The following ADAMTS18 variants were observed in gnomAD, a reference collection of about 807,000 sequenced individuals.
ADAMTS18 encodes A disintegrin and metalloproteinase with thrombospondin motifs 18.
ADAMTS18 carries 157 observed loss-of-function variants against 165.9 expected under a neutral mutation model. That is an observed-to-expected ratio of 0.95 (90% CI 0.83 to 1.08). The LOEUF (loss-of-function observed/expected upper bound fraction) is 1.08. ADAMTS18 is among the 50% of genes least tolerant of loss of function. ADAMTS18 has a pLI of 0.00. For missense variants in ADAMTS18, 2,040 were observed against 1,534.0 expected, an observed-to-expected ratio of 1.33 and a Z score of -5.51; for synonymous variants, 782 against 578.2, an observed-to-expected ratio of 1.35 and a Z score of -5.06.
chr16:77,353,081 AAAC>A (rs1369234768), intron 10 of ADAMTS18, among the ~76,000 whole-genome samples: 8 of 148,478 alleles, frequency 5.4e-5, no homozygotes, highest in African/African-American at 1.1e-4. Context: ...CTCTGTCTCA[AAAC>A]AACAACAACG....
At chr16:77,321,708 A>G (rs1249812297) in intron 14 of ADAMTS18, among the ~76,000 whole-genome samples, 1 of 152,246 alleles carries the variant, frequency 6.6e-6, no homozygotes, top group Non-Finnish European at 1.5e-5. Context: ...TACACATGCA[A>G]TAAAAGTTTA....
chr16:77,332,137 T>G (rs934387359), intron 12 of ADAMTS18, among the ~76,000 whole-genome samples: 4 of 152,182 alleles, frequency 2.6e-5, no homozygotes, highest in Non-Finnish European at 5.9e-5. Context: ...TCTGTGGTCA[T>G]AGATCAGAAG....
At chr16:77,402,723 TG>T in intron 3 of ADAMTS18, among the ~76,000 whole-genome samples, 1 of 152,350 alleles carries the variant, frequency 6.6e-6, no homozygotes, top group Admixed American at 6.5e-5. Context: ...AAGTGAAGGC[TG>T]GATGAGCACT....
intron 9 of ADAMTS18, 152 bp from the exon 10 acceptor site, chr16:77,354,038 A>T (rs1023118012): frequency 9.2e-6 from 9 of 977,178 alleles, no homozygotes; most frequent in East Asian, 4.9e-5. Flanking sequence ...TGTTTATGCC[A>T]AAGAGTGAGT....
intron 3 of ADAMTS18, among the ~76,000 whole-genome samples, chr16:77,381,097 C>T (rs1299921455): frequency 6.6e-6 from 1 of 152,088 alleles, no homozygotes; most frequent in African/African-American, 2.4e-5. Flanking sequence ...TGGTCTCAAA[C>T]TCCTGGGCTC....
intron 13 of ADAMTS18, 23 bp downstream of exon 13, chr16:77,325,843 G>T (rs1275177719): frequency 1.1e-5 from 18 of 1,599,694 alleles, no homozygotes; most frequent in Non-Finnish European, 1.5e-5. Flanking sequence ...AGACTTATTT[G>T]AATGTCATAG....
At chr16:77,384,223 A>C (rs1372799264) in intron 3 of ADAMTS18, among the ~76,000 whole-genome samples, 1 of 152,166 alleles carries the variant, frequency 6.6e-6, no homozygotes, top group Non-Finnish European at 1.5e-5. Context: ...ACATTTAAGA[A>C]ACTCCTCTAC....
intron 3 of ADAMTS18, among the ~76,000 whole-genome samples, chr16:77,402,730 G>A (rs150296350): frequency 1.0e-3 from 153 of 152,276 alleles, no homozygotes; most frequent in Non-Finnish European, 1.8e-3. Context: ...GGCTGGATGA[G>A]CACTGTTGGC....
chr16:77,409,126 C>T (rs984123155), intron 3 of ADAMTS18, among the ~76,000 whole-genome samples: 9 of 152,002 alleles, frequency 5.9e-5, no homozygotes, highest in African/African-American at 1.2e-4. Context: ...AGGCATCCAC[C>T]GGAGGTACTG....
chr16:77,434,439 CGCT>C lies in ADAMTS18; in HGVS notation c.154_156del (p.Ser52del). 6.4e-7 allele frequency: 1 copy of C among 1,573,482 alleles called. No individual in the cohort carries two copies. Among genetic ancestry groups the C allele is most frequent in the Admixed American group, 1.8e-5 (1 of 56,410 alleles). On this transcript the variant is annotated inframe_deletion, in exon 2 of 23. Coordinates refer to ENST00000282849, the MANE Select transcript of ADAMTS18 (RefSeq NM_199355.4). ...GAACCATCATTTAATCCGCTGGCGC[CGCT>C]GCTGCTGTCACTGGCTAAGGCCGCG...
intron 3 of ADAMTS18, among the ~76,000 whole-genome samples, chr16:77,401,229 G>A (rs899655465): frequency 3.3e-5 from 5 of 151,992 alleles, no homozygotes; most frequent in African/African-American, 1.2e-4. Flanking sequence ...ACTCCAGCCT[G>A]GGCAAAACAG....
chr16:77,293,469 T>G (rs1428939630), intron 19 of ADAMTS18, among the ~76,000 whole-genome samples: 1 of 151,962 alleles, frequency 6.6e-6, no homozygotes, highest in Admixed American at 6.6e-5. Flanking sequence ...TTTCTGTAAA[T>G]TATATTGCTA....
Position 77,304,692 on chromosome 16 carries a change from T to C in ADAMTS18, c.2533-4288A>G, listed in dbSNP as rs879923884. 8.5e-5 allele frequency among the ~76,000 whole-genome samples: 13 copies of C among 152,204 alleles called. 1 individual carries two copies. The highest frequency in any genetic ancestry group is 8.3e-4 in the South Asian group (4 of 4,832). On this transcript the variant is annotated intron_variant, in intron 16 of 22. Transcript: ENST00000282849. ...TAATATCATGGTAATACAAAACTCATGTATCTGGCCAAAAGAAAAAGAGAA... is the reference window on the plus strand; with the variant it reads ...TAATATCATGGTAATACAAAACTCACGTATCTGGCCAAAAGAAAAAGAGAA...
chr16:77,364,668 G>C (rs995843514), intron 4 of ADAMTS18, among the ~76,000 whole-genome samples: 1 of 147,660 alleles, frequency 6.8e-6, no homozygotes, highest in Non-Finnish European at 1.5e-5. Context: ...TAAATGGGTA[G>C]GTGGGTAGAA....
rs571666436 is a variant in ADAMTS18, at chr16:77,355,143, G to GATC, written c.1460+796_1460+797insGAT. Among the ~76,000 whole-genome samples the GATC allele has an allele frequency of 2.2e-3, 333 of 151,994 alleles. 2 individuals carry two copies. Among genetic ancestry groups the GATC allele is most frequent in the Non-Finnish European group, 3.4e-3 (228 of 67,944 alleles). The stretch of plus-strand genomic sequence containing the variant: ...GAAATTTCACTAACATCTGTTCAAA[G>GATC]AGATATGGGATTAGCATCTAAGTGT... On this transcript the variant is annotated intron_variant, in intron 9 of 22. Coordinates refer to ENST00000282849, the MANE Select transcript of ADAMTS18 (RefSeq NM_199355.4).
chr16:77,361,833 G>A lies in ADAMTS18; in HGVS notation c.1216+272C>T, dbSNP rs112846048. On this transcript the variant is annotated intron_variant, in intron 7 of 22. Coordinates refer to ENST00000282849, the MANE Select transcript of ADAMTS18 (RefSeq NM_199355.4). ...CAGGAGGCGGAGGTTGTAGTGAACC[G>A]AGATTGTGCCATTACACTCCAGCCT... is the stretch of plus-strand genomic sequence containing the variant. Among the ~76,000 whole-genome samples the A allele has an allele frequency of 6.6e-5, 10 of 152,080 alleles. 1 individual carries two copies. Among genetic ancestry groups the A allele is most frequent in the South Asian group, 4.1e-4 (2 of 4,822 alleles).
In ADAMTS18 at chr16:77,300,402, A is replaced by C. The variant is rs752320639; in HGVS notation, c.2535T>G (p.Ile845Met). The C allele has an allele frequency of 6.2e-7, 1 of 1,614,078 alleles. No individual in the cohort carries two copies. Among genetic ancestry groups the C allele is most frequent in the East Asian group, 2.2e-5 (1 of 44,870 alleles). Residue 845 changes from isoleucine (I) to methionine (M), a missense_variant and splice_region_variant, in exon 17 of 23, where the codon ATT (isoleucine) becomes ATG (methionine). By Grantham distance (10) the Ile-to-Met change is conservative. Coordinates refer to ENST00000282849, the MANE Select transcript of ADAMTS18 (RefSeq NM_199355.4). ...TCCCTGGATTTTTGCCTTGCATCAG[A>C]ATCTGGACAGTGTAAGATAAAAATC... Reference protein sequence around the residue: ...GPTNETLVFEILMQGKNPGIA... With the variant: ...GPTNETLVFEMLMQGKNPGIA...
intron 3 of ADAMTS18, among the ~76,000 whole-genome samples, chr16:77,393,261 C>T (rs1597217495): frequency 6.6e-6 from 1 of 152,232 alleles, no homozygotes; most frequent in East Asian, 1.9e-4. Context: ...TCAGGGCAGT[C>T]ATTATTACGC....
rs1447392490 is a variant in ADAMTS18 at position 77,325,885 on chromosome 16, T to G, written c.2013A>C (p.Lys671Asn). The G allele has an allele frequency of 6.2e-7, 1 of 1,613,756 alleles. No homozygotes were observed. The highest frequency in any genetic ancestry group is 1.7e-5 in the Admixed American group (1 of 59,976). ...KPFRGWFYQWKPYTKVEEEDR... is the reference protein window; with the variant it reads ...KPFRGWFYQWNPYTKVEEEDR... ...AATTACCTTCCACTTTTGTATAGGGTTTCCACTGGTAGAACCATCCACGGA... is the reference window on the plus strand; with the variant it reads ...AATTACCTTCCACTTTTGTATAGGGGTTCCACTGGTAGAACCATCCACGGA... Residue 671 changes from lysine to asparagine, a missense_variant, in exon 13 of 23, where the codon AAA becomes AAC. Physicochemically the swap from Lys to Asn is moderately conservative, Grantham distance 94 (BLOSUM62 0). Transcript: ENST00000282849.
Sources: allele counts gnomAD v4.1 joint callset (sites outside exome capture counted in the v4.1 genomes callset), GRCh38; gene constraint gnomAD v4.1.1; transcripts MANE v1.5; gene names NCBI Gene and HGNC (gene_info 2026-07-23, HGNC 2026-07-21).